DUSP16: variants seen among roughly 807,000 people sequenced by gnomAD.
DUSP16 encodes dual specificity protein phosphatase 16.
A neutral mutation model predicts 58.3 loss-of-function variants in DUSP16; 21 were observed. That is an observed-to-expected ratio of 0.36 (90% CI 0.26 to 0.52). The LOEUF is 0.52. Ranked by LOEUF, DUSP16 falls within the 20% of genes least tolerant of loss-of-function variation. DUSP16 has a pLI of 0.94. For missense variants in DUSP16, 726 were observed against 819.0 expected (o/e 0.89, Z 1.39); for synonymous variants, 320 against 323.8 (o/e 0.99, Z 0.12).
intron 1 of DUSP16, among the ~76,000 whole-genome samples, chr12:12,540,958 T>C (rs1237527230): frequency 1.5e-5 from 2 of 137,100 alleles, no homozygotes; most frequent in African/African-American, 2.8e-5. Context: ...TCTTTTTTTT[T>C]TTTTTTTTTT....
intron 1 of DUSP16, among the ~76,000 whole-genome samples, chr12:12,553,735 G>A (rs1944767985): frequency 6.6e-6 from 1 of 152,048 alleles, no homozygotes; most frequent in Non-Finnish European, 1.5e-5. Context: ...GTGGCGACAA[G>A]GTTTCACCAT....
At chr12:12,497,453 C>T (rs1029123278) in intron 4 of DUSP16, among the ~76,000 whole-genome samples, 18 of 152,074 alleles carry the variant, frequency 1.2e-4, no homozygotes, top group Admixed American at 6.6e-4. Context: ...ACAGCAGCCT[C>T]GGTTTACATT....
chr12:12,502,538 T>C (rs955534644), intron 3 of DUSP16, among the ~76,000 whole-genome samples: 1 of 150,836 alleles, frequency 6.6e-6, no homozygotes, highest in Non-Finnish European at 1.5e-5. Flanking sequence ...CACCTTACAG[T>C]TTCATGGTTT....
At chr12:12,523,332 A>C (rs1944261076) in intron 1 of DUSP16, among the ~76,000 whole-genome samples, 2 of 152,234 alleles carry the variant, frequency 1.3e-5, no homozygotes, top group South Asian at 4.1e-4. Context: ...TACCCTACAG[A>C]TGCCAATGGC....
chr12:12,525,338 G>T (rs546692077), intron 1 of DUSP16, among the ~76,000 whole-genome samples: 2 of 151,416 alleles, frequency 1.3e-5, no homozygotes, highest in South Asian at 4.2e-4. Context: ...GGCGCATCTC[G>T]GCTCACCGCA....
intron 1 of DUSP16, among the ~76,000 whole-genome samples, chr12:12,559,780 A>G (rs1269996272): frequency 6.6e-6 from 1 of 152,114 alleles, no homozygotes; most frequent in Non-Finnish European, 1.5e-5. Flanking sequence ...AAATAGCATC[A>G]AAACACACTA....
At position 12,473,885 on chromosome 12, in the gene DUSP16, G is replaced by A. The variant is rs1056784837; in HGVS notation, c.*2948C>T. On this transcript the variant is annotated 3_prime_UTR_variant, in exon 7 of 7. Transcript: ENST00000298573. ...CATGTTATATCGAAATGGGCCATGT[G>A]TGTGTAGCTGGCCTTTTTTTTCCTA... is the stretch of plus-strand genomic sequence containing the variant. Among the ~76,000 whole-genome samples the A allele has an allele frequency of 6.6e-6, 1 of 152,234 alleles. No homozygotes were observed. Among genetic ancestry groups the A allele is most frequent in the African/African-American group, 2.4e-5 (1 of 41,452 alleles).
intron 4 of DUSP16, chr12:12,491,435 TTTTA>T (rs2136202375): frequency 6.6e-6 from 1 of 152,342 alleles, no homozygotes; most frequent in East Asian, 1.9e-4. Flanking sequence ...TAAGGATTGC[TTTTA>T]TTTATAGATA....
At chr12:12,534,834 G>A (rs1050986471) in intron 1 of DUSP16, among the ~76,000 whole-genome samples, 1 of 152,138 alleles carries the variant, frequency 6.6e-6, no homozygotes, top group African/African-American at 2.4e-5. Context: ...TATTTTGGAG[G>A]AGAAAGGTAA....
intron 4 of DUSP16, among the ~76,000 whole-genome samples, chr12:12,492,530 A>G (rs561819496): frequency 1.3e-5 from 2 of 151,864 alleles, no homozygotes; most frequent in South Asian, 4.2e-4. Flanking sequence ...TCCTACATCA[A>G]TTTTCCACTG....
At chr12:12,533,299 G>C (rs979051776) in intron 1 of DUSP16, among the ~76,000 whole-genome samples, 2 of 152,130 alleles carry the variant, frequency 1.3e-5, no homozygotes, top group African/African-American at 2.4e-5. Context: ...CAAATGCAAC[G>C]CAAGATGACT....
intron 1 of DUSP16, among the ~76,000 whole-genome samples, chr12:12,532,804 T>C (rs1944410005): frequency 6.6e-6 from 1 of 152,010 alleles, no homozygotes. Flanking sequence ...AAAACTTAGC[T>C]GGGCGTGGTG....
At chr12:12,556,332 A>C (rs1289045935) in intron 1 of DUSP16, among the ~76,000 whole-genome samples, 1 of 152,122 alleles carries the variant, frequency 6.6e-6, no homozygotes, top group Admixed American at 6.5e-5. Context: ...CTAAGGCAGG[A>C]AGACTGCTTG....
Position 12,551,599 on chromosome 12 carries a change from T to A in DUSP16, c.-366+10518A>T, listed in dbSNP as rs1312053981. Among the ~76,000 whole-genome samples, 4 of 152,090 alleles carry A rather than the reference T, an allele frequency of 2.6e-5. No individual in the cohort carries two copies. In the East Asian group the frequency reaches 7.7e-4, roughly 29 times the overall value. On this transcript the variant is annotated intron_variant, in intron 1 of 6. Coordinates refer to ENST00000298573, the MANE Select transcript of DUSP16 (RefSeq NM_030640.3). Reference sequence around the variant, plus strand: ...TCCCAATTCTTAAAGATTTTTTGGATGAGACTGATGGTGATATTAATGACT... The same window carrying A: ...TCCCAATTCTTAAAGATTTTTTGGAAGAGACTGATGGTGATATTAATGACT...
In DUSP16 at chr12:12,495,013, G is replaced by A. The variant is rs535699043; in HGVS notation, c.531+5506C>T. 2.6e-5 allele frequency among the ~76,000 whole-genome samples: 4 copies of A among 152,148 alleles called. No homozygotes were observed. In the East Asian group the frequency reaches 5.8e-4, roughly 22 times the overall value. On this transcript the variant is annotated intron_variant, in intron 4 of 6. Coordinates refer to ENST00000298573, the MANE Select transcript of DUSP16 (RefSeq NM_030640.3). ...ACAGCCCAGCGCATTACCACTCATC[G>A]CCTGGGTGATCTTGGGAAGGTTACC...
At chr12:12,534,118 C>T (rs1457497890) in intron 1 of DUSP16, among the ~76,000 whole-genome samples, 3 of 152,168 alleles carry the variant, frequency 2.0e-5, no homozygotes, top group Non-Finnish European at 4.4e-5. Context: ...TCTTCCAATC[C>T]CACAGTATGC....
At chr12:12,510,011 G>A (rs983139813) in intron 3 of DUSP16, among the ~76,000 whole-genome samples, 2 of 152,128 alleles carry the variant, frequency 1.3e-5, no homozygotes, top group African/African-American at 4.8e-5. Flanking sequence ...ATCCAAAAGC[G>A]ACACTGAATC....
In DUSP16 at chr12:12,476,923, G is replaced by GAT. The variant is rs1264120921; in HGVS notation, c.1906_1907dup (p.Met637SerfsTer85). The GAT allele has an allele frequency of 6.2e-7, 1 of 1,614,078 alleles. No homozygotes were observed. Among genetic ancestry groups the GAT allele is most frequent in the South Asian group, 1.1e-5 (1 of 91,086 alleles). On this transcript the variant is annotated frameshift_variant, in exon 7 of 7. Transcript: ENST00000298573. LOFTEE classifies it high-confidence loss of function. ...CTTCCCGTGACCTGTTCTCTGACATGATGCTCTCTCCAAATTCCATTTGGC... is the reference window on the plus strand; with the variant it reads ...CTTCCCGTGACCTGTTCTCTGACATGATATGCTCTCTCCAAATTCCATTTGGC...
chr12:12,483,746 G>T (rs1445860248), intron 5 of DUSP16, among the ~76,000 whole-genome samples: 2 of 152,000 alleles, frequency 1.3e-5, no homozygotes, highest in African/African-American at 2.4e-5. Flanking sequence ...GCACAAACGG[G>T]CAAACTCTGT....
Sources: gnomAD v4.1 joint callset for allele counts (sites outside exome capture counted in the v4.1 genomes callset) on GRCh38, gnomAD v4.1.1 for gene constraint, MANE v1.5 for transcripts, NCBI Gene and HGNC (gene_info 2026-07-23, HGNC 2026-07-21) for gene names.